Variants in FAM227B observed in about 807,000 individuals in gnomAD.
FAM227B encodes the protein family with sequence similarity 227 member B, also known as protein FAM227B.
Under a neutral mutation model 73.8 loss-of-function variants are expected in FAM227B, and 88 were observed. That is an observed-to-expected ratio of 1.19 (90% CI 1.00 to 1.42). The LOEUF (loss-of-function observed/expected upper bound fraction) is 1.42, where lower values mean the gene tolerates loss of function less well. Among genes scored for constraint, FAM227B ranks in the 40% most tolerant of loss-of-function variants. The pLI is 0.00. For synonymous variants in FAM227B, 210 were observed against 190.5 expected (o/e 1.10, Z -0.84); for missense variants, 632 against 590.9 (o/e 1.07, Z -0.72).
In FAM227B at chr15:49,367,517, T is replaced by C. The variant is rs200160678; in HGVS notation, c.1202A>G (p.His401Arg). The C allele has an allele frequency of 1.2e-5, 19 of 1,606,794 alleles. No homozygotes were observed. Among genetic ancestry groups the C allele is most frequent in the East Asian group, 2.2e-5 (1 of 44,580 alleles). ...TGCTTTGGAAATACCAGCCAGCTCATGCATCTTAAGATAATATAAAATCAA... is the reference window on the plus strand; with the variant it reads ...TGCTTTGGAAATACCAGCCAGCTCACGCATCTTAAGATAATATAAAATCAA... Reference protein sequence around the residue: ...SPLILYYLKMHELAGISKAPK... With the variant: ...SPLILYYLKMRELAGISKAPK... The change falls in exon 13 of 16, where the codon CAT (histidine) becomes CGT (arginine). Residue 401 changes from histidine (H) to arginine (R), a missense_variant. Physicochemically the swap from His to Arg is conservative, Grantham distance 29. Transcript: ENST00000299338.
intron 8 of FAM227B, among the ~76,000 whole-genome samples, chr15:49,572,104 A>G (rs1479335432): frequency 1.3e-5 from 2 of 151,862 alleles, no homozygotes; most frequent in Non-Finnish European, 2.9e-5. Flanking sequence ...ACTTTTTGTT[A>G]TTACTATTGT....
chr15:49,581,146 A>G (rs1352657041), intron 5 of FAM227B, among the ~76,000 whole-genome samples: 1 of 152,160 alleles, frequency 6.6e-6, no homozygotes, highest in Admixed American at 6.5e-5. Flanking sequence ...GATACTATAC[A>G]AGATGACCAT....
At chr15:49,392,588 C>G (rs16962418) in intron 11 of FAM227B, among the ~76,000 whole-genome samples, 6 of 152,022 alleles carry the variant, frequency 3.9e-5, no homozygotes, top group Admixed American at 6.5e-5. Context: ...ACTTTAAGAA[C>G]GTGAAGAAGA....
chr15:49,514,600 A>T (rs2059257914), intron 10 of FAM227B, among the ~76,000 whole-genome samples: 1 of 151,960 alleles, frequency 6.6e-6, no homozygotes, highest in Non-Finnish European at 1.5e-5. Context: ...TTTTAAATTG[A>T]GATGTTTGAT....
intron 11 of FAM227B, among the ~76,000 whole-genome samples, chr15:49,401,058 C>G (rs1232231877): frequency 6.6e-6 from 1 of 152,202 alleles, no homozygotes; most frequent in African/African-American, 2.4e-5. Flanking sequence ...TCAGAGTGAA[C>G]AGGCAACCTA....
chr15:49,398,184 C>A (rs1181967826), intron 11 of FAM227B, among the ~76,000 whole-genome samples: 8 of 152,196 alleles, frequency 5.3e-5, no homozygotes, highest in African/African-American at 1.9e-4. Context: ...CAAAAAAAGG[C>A]AGGGGTTGCA....
intron 10 of FAM227B, among the ~76,000 whole-genome samples, chr15:49,529,029 G>C (rs2152216935): frequency 6.6e-6 from 1 of 151,858 alleles, no homozygotes; most frequent in Middle Eastern, 3.4e-3. Flanking sequence ...GCACTCATAT[G>C]TTTATCACAA....
intron 5 of FAM227B, among the ~76,000 whole-genome samples, chr15:49,585,521 G>T (rs953203144): frequency 1.3e-5 from 2 of 152,188 alleles, no homozygotes; most frequent in African/African-American, 4.8e-5. Context: ...CATAAAAAAT[G>T]ATGAGTTCAT....
intron 3 of FAM227B, among the ~76,000 whole-genome samples, chr15:49,609,400 A>G (rs761598947): frequency 6.6e-6 from 1 of 151,906 alleles, no homozygotes; most frequent in Non-Finnish European, 1.5e-5. Flanking sequence ...GGCAAAAAAG[A>G]GAGGACTTTA....
chr15:49,335,540 T>A (rs1304746963), intron 13 of FAM227B, 44 bp from the exon 14 acceptor site: 2 of 1,485,582 alleles, frequency 1.3e-6, no homozygotes, highest in Non-Finnish European at 1.9e-6. Flanking sequence ...TTAGGAACAT[T>A]TGGGAAGTAA....
At chr15:49,473,460 T>C (rs888372063) in intron 11 of FAM227B, among the ~76,000 whole-genome samples, 19 of 152,168 alleles carry the variant, frequency 1.2e-4, no homozygotes, top group African/African-American at 4.3e-4. Context: ...AACTTTTAGA[T>C]AATTTTCTTC....
At chr15:49,571,777 G>C (rs1681260534) in intron 8 of FAM227B, among the ~76,000 whole-genome samples, 1 of 151,846 alleles carries the variant, frequency 6.6e-6, no homozygotes, top group Non-Finnish European at 1.5e-5. Flanking sequence ...AAGTTAGGTA[G>C]GGTGATACTT....
chr15:49,577,332 T>G, intron 6 of FAM227B: 1 of 345,202 alleles, frequency 2.9e-6, no homozygotes. Context: ...ACCTTCATAT[T>G]TTCTGCTTCT....
At chr15:49,331,548 T>C in intron 15 of FAM227B, 1 of 465,122 alleles carries the variant, frequency 2.1e-6, no homozygotes, top group South Asian at 3.9e-5. Flanking sequence ...TTCAGTTACA[T>C]AAACTGTTCC....
chr15:49,405,399 A>T (rs1391565253), intron 11 of FAM227B, among the ~76,000 whole-genome samples: 1 of 152,202 alleles, frequency 6.6e-6, no homozygotes, highest in Non-Finnish European at 1.5e-5. Flanking sequence ...AATGAGTCAT[A>T]GAGTTGGTTT....
At chr15:49,531,233 G>GTA (rs1180240984) in intron 10 of FAM227B, among the ~76,000 whole-genome samples, 3 of 151,658 alleles carry the variant, frequency 2.0e-5, no homozygotes, top group African/African-American at 7.3e-5. Context: ...TTGATTTCAT[G>GTA]TATATATGTC....
rs1414709803 is a variant in FAM227B at position 49,328,547 on chromosome 15, A to G, written c.*21T>C. The G allele has an allele frequency of 6.2e-7, 1 of 1,607,222 alleles. No individual in the cohort carries two copies. The highest frequency in any genetic ancestry group is 1.7e-5 in the Admixed American group (1 of 59,428). ...TGAATTGTATGCATTATTCTTGAATAGAGTTCATTTCTGGTTTCTCTTAGT... is the reference window on the plus strand; with the variant it reads ...TGAATTGTATGCATTATTCTTGAATGGAGTTCATTTCTGGTTTCTCTTAGT... On this transcript the variant is annotated 3_prime_UTR_variant, in exon 16 of 16. Coordinates refer to ENST00000299338, the MANE Select transcript of FAM227B (RefSeq NM_152647.3).
chr15:49,388,603 A>T (rs1420923761), intron 11 of FAM227B, among the ~76,000 whole-genome samples: 1 of 151,986 alleles, frequency 6.6e-6, no homozygotes, highest in Non-Finnish European at 1.5e-5. Flanking sequence ...AGATCCCAAA[A>T]GCAAATATAA....
chr15:49,544,412 G>A (rs764884745), intron 9 of FAM227B, among the ~76,000 whole-genome samples: 2 of 152,098 alleles, frequency 1.3e-5, no homozygotes, highest in African/African-American at 2.4e-5. Flanking sequence ...TTTGGATGAA[G>A]ACTTTAGGGT....
Sources: allele counts gnomAD v4.1 joint callset (sites outside exome capture counted in the v4.1 genomes callset), GRCh38; gene constraint gnomAD v4.1.1; transcripts MANE v1.5; gene names NCBI Gene and HGNC (gene_info 2026-07-23, HGNC 2026-07-21).